NFKBIE: variants seen among roughly 807,000 people sequenced by gnomAD.
The protein encoded by NFKBIE is NF-kappa-B inhibitor epsilon.
A neutral mutation model predicts 31.6 loss-of-function variants in NFKBIE; 11 were observed. That is an observed-to-expected ratio of 0.35 (90% CI 0.22 to 0.58). NFKBIE has a LOEUF of 0.58. Among genes scored for constraint, NFKBIE ranks in the 20% least tolerant of loss-of-function variants. The pLI is 0.83. For synonymous variants in NFKBIE, 208 were observed against 210.1 expected (o/e 0.99, Z 0.09); for missense variants, 354 against 465.7 (o/e 0.76, Z 2.21).
At position 44,258,343 on chromosome 6, in the gene NFKBIE, G is replaced by A. The variant is rs573583744; in HGVS notation, c.*876C>T. On this transcript the variant is annotated 3_prime_UTR_variant, in exon 6 of 6. Coordinates refer to ENST00000619360, the MANE Select transcript of NFKBIE (RefSeq NM_004556.3). ...TGAGGAACGGGGGGAAAAACGTGGA[G>A]TCAGCTCCCTCGTGCCCAGCCTCCC... The A allele has an allele frequency of 3.3e-5, 5 of 152,408 alleles. No homozygotes were observed. Among genetic ancestry groups the A allele is most frequent in the African/African-American group, 1.2e-4 (5 of 41,450 alleles). The allele number at this position is 152,408 out of a possible 1,614,324, so 9.4% of individuals were successfully genotyped here.
rs1781878598 is a variant in NFKBIE at position 44,260,858 on chromosome 6, C to CACAT, written c.692-320_692-319insATGT. Among the ~76,000 whole-genome samples, 1 of 80,242 alleles carries CACAT rather than the reference C, an allele frequency of 1.2e-5. No homozygotes were observed. Among genetic ancestry groups the CACAT allele is most frequent in the East Asian group, 3.6e-4 (1 of 2,782 alleles). 52.6% of individuals were successfully genotyped at this position (80,242 alleles called of 152,430 possible). Reference sequence around the variant, plus strand: ...ACACACACACACACACACACACATACAGACACACACACACACACACACACA... The same window carrying CACAT: ...ACACACACACACACACACACACATACACATAGACACACACACACACACACACACA... On this transcript the variant is annotated intron_variant, in intron 3 of 5. Coordinates refer to ENST00000619360, the MANE Select transcript of NFKBIE (RefSeq NM_004556.3). The surrounding 1 kb of genome is among the most constrained non-coding windows in gnomAD (Gnocchi z 5.5).
rs41282666 is a variant in NFKBIE, at chr6:44,259,042, T to C, written c.*177A>G. ...AGCTCTTCCTTCCAGACTGGCTCTC[T>C]TCCACTTGCAGTCCCTCCTCCTCGG... is the stretch of plus-strand genomic sequence containing the variant. On this transcript the variant is annotated 3_prime_UTR_variant, in exon 6 of 6. Transcript: ENST00000619360. 2.0e-3 allele frequency: 1,102 copies of C among 563,672 alleles called. 14 individuals carry two copies. Among genetic ancestry groups the C allele is most frequent in the African/African-American group, 0.016 (868 of 53,496 alleles). 34.9% of individuals were successfully genotyped at this position (563,672 alleles called of 1,614,324 possible).
intron 1 of NFKBIE, among the ~76,000 whole-genome samples, chr6:44,264,706 G>A (rs1782051302): frequency 6.6e-6 from 1 of 152,180 alleles, no homozygotes; most frequent in Non-Finnish European, 1.5e-5. Flanking sequence ...CTTGGTCAGG[G>A]GAATTTTCTC....
In NFKBIE at chr6:44,259,189, AG is replaced by A. The variant is rs1439098308; in HGVS notation, c.*29del. 6.2e-7 allele frequency: 1 copy of A among 1,611,974 alleles called. No individual in the cohort carries two copies. The highest frequency in any genetic ancestry group is 2.2e-5 in the East Asian group (1 of 44,794). Reference sequence around the variant, plus strand: ...CTCCGGCTTCCAGATGGAGAGGTGGAGCCCTGAGGATCCCAGACCCTGCCTG... The same window carrying A: ...CTCCGGCTTCCAGATGGAGAGGTGGACCCTGAGGATCCCAGACCCTGCCTG... On this transcript the variant is annotated 3_prime_UTR_variant, in exon 6 of 6. Coordinates refer to ENST00000619360, the MANE Select transcript of NFKBIE (RefSeq NM_004556.3).
In NFKBIE at chr6:44,258,786, T is replaced by C. The variant is rs897251032; in HGVS notation, c.*433A>G. On this transcript the variant is annotated 3_prime_UTR_variant, in exon 6 of 6. Transcript: ENST00000619360. ...TCTGTGTGAAGTCTTTAAACAACGG[T>C]GTTTCAGGGTCCTCAACAGCAATAA... 3 of 157,190 alleles carry C rather than the reference T, an allele frequency of 1.9e-5. No individual in the cohort carries two copies. Among genetic ancestry groups the C allele is most frequent in the African/African-American group, 7.2e-5 (3 of 41,584 alleles). The allele number at this position is 157,190 out of a possible 1,614,324, so 9.7% of individuals were successfully genotyped here.
rs369958691 is a variant in NFKBIE at position 44,260,826 on chromosome 6, AACACACAC to A, written c.692-295_692-288del. 2.4e-3 allele frequency among the ~76,000 whole-genome samples: 285 copies of A among 119,192 alleles called. 2 individuals are homozygous for A. Among genetic ancestry groups the A allele is most frequent in the African/African-American group, 7.4e-3 (249 of 33,566 alleles). The allele number at this position is 119,192 out of a possible 152,430, so 78.2% of individuals were successfully genotyped here. On this transcript the variant is annotated intron_variant, in intron 3 of 5. Coordinates refer to ENST00000619360, the MANE Select transcript of NFKBIE (RefSeq NM_004556.3). The surrounding 1 kb of genome is among the most constrained non-coding windows in gnomAD (Gnocchi z 5.5). ...CACCCTCCTCCTATACACAAACTAC[AACACACAC>A]ACACACACACACACACACACATACA...
In NFKBIE at chr6:44,261,653, G is replaced by T; in HGVS notation, c.664C>A (p.Leu222Met). The change falls in exon 3 of 6, where the codon CTG (leucine) becomes ATG (methionine). Residue 222 changes from leucine to methionine, a missense_variant. By Grantham distance (15) the Leu-to-Met change is conservative (BLOSUM62 2). Transcript: ENST00000619360. The surrounding 1 kb of genome is among the most constrained non-coding windows in gnomAD (Gnocchi z 4.3). ...TGCCAGTTTTGCAGCTGGAGGTCCA[G>T]AGAGTGAGATGTTCCTCTGCCTGGC... is the stretch of plus-strand genomic sequence containing the variant. ...PEPGRGTSHSLDLQLQNWQGL... is the reference protein window; with the variant it reads ...PEPGRGTSHSMDLQLQNWQGL... The T allele has an allele frequency of 6.2e-7, 1 of 1,614,216 alleles. No individual in the cohort carries two copies. The highest frequency in any genetic ancestry group is 8.5e-7 in the Non-Finnish European group (1 of 1,180,026).
intron 5 of NFKBIE, 99 bp from the exon 6 acceptor site, chr6:44,259,383 C>T: frequency 1.2e-6 from 1 of 836,764 alleles, no homozygotes; most frequent in South Asian, 1.3e-5. Flanking sequence ...TCCCTCCCCA[C>T]CAAATGACAG....
chr6:44,259,283 G>A lies in NFKBIE; in HGVS notation c.1022C>T (p.Ser341Phe), dbSNP rs779213165. The stretch of plus-strand genomic sequence containing the variant: ...GTCATCAAAGGGCAAAAGGACAAGG[G>A]ACTGAGAAGGAGAATGGAGAGAAGC... ...DETPQDLTEE[S>F]LVLLPFDDLK... is the part of the protein sequence containing the mutation. The change falls in exon 6 of 6, where the codon TCC becomes TTC. Residue 341 changes from serine to phenylalanine, a missense_variant and splice_region_variant. Around this residue, in one of 2 missense-constraint regions of NFKBIE, gnomAD observed 183 missense variants for 310.6 expected, o/e 0.59. Transcript: ENST00000619360. 6.2e-7 allele frequency: 1 copy of A among 1,611,198 alleles called. No individual in the cohort carries two copies. The highest frequency in any genetic ancestry group is 2.2e-5 in the East Asian group (1 of 44,832).
At chr6:44,259,782 G>A (rs975496194) in intron 5 of NFKBIE, among the ~76,000 whole-genome samples, 1 of 152,124 alleles carries the variant, frequency 6.6e-6, no homozygotes, top group African/African-American at 2.4e-5. Flanking sequence ...TGGCTCTCTG[G>A]GTTCTTATAG....
chr6:44,259,332 G>A, intron 5 of NFKBIE, 48 bp from the exon 6 acceptor site: 3 of 1,500,448 alleles, frequency 2.0e-6, no homozygotes, highest in Non-Finnish European at 2.8e-6. Flanking sequence ...ATGGGAAAAG[G>A]TGACTTGGGA....
chr6:44,259,937 G>C lies in NFKBIE; in HGVS notation c.1020+106C>G, dbSNP rs1583007953. On this transcript the variant is annotated intron_variant, in intron 5 of 5. Transcript: ENST00000619360. ...CACAGTTGGTCAGTGGCAGAGTCCT[G>C]GTTATACCCCAGGACTCCTGGCTCC... 9.4e-6 allele frequency: 14 copies of C among 1,484,172 alleles called. No homozygotes were observed. The East Asian group carries it at 3.0e-4, about 32-fold the overall frequency. 91.9% of individuals were successfully genotyped at this position (1,484,172 alleles called of 1,614,324 possible).
chr6:44,265,424 G>T lies in NFKBIE; in HGVS notation c.-78C>A. 2 of 1,541,160 alleles carry T rather than the reference G, an allele frequency of 1.3e-6. No homozygotes were observed. The highest frequency in any genetic ancestry group is 1.2e-5 in the South Asian group (1 of 83,942). ...CTCCGCCGCGCCGCCTTTCCGGGTT[G>T]CGGGTCCGCTTGGCAGAGCGGGCGC... On this transcript the variant is annotated 5_prime_UTR_variant, in exon 1 of 6. Coordinates refer to ENST00000619360, the MANE Select transcript of NFKBIE (RefSeq NM_004556.3).
chr6:44,264,477 G>GCTCT (rs2153333485), intron 1 of NFKBIE, among the ~76,000 whole-genome samples: 1 of 152,260 alleles, frequency 6.6e-6, no homozygotes, highest in East Asian at 1.9e-4. Context: ...TGGGGCAAGA[G>GCTCT]TGCCCCAGCC....
rs1196703294 is a variant in NFKBIE at position 44,261,557 on chromosome 6, T to G, written c.691+69A>C. 6.6e-7 allele frequency: 1 copy of G among 1,518,156 alleles called. No individual in the cohort carries two copies. Among genetic ancestry groups the G allele is most frequent in the South Asian group, 1.2e-5 (1 of 85,028 alleles). The allele number at this position is 1,518,156 out of a possible 1,614,324, so 94.0% of individuals were successfully genotyped here. Reference sequence around the variant, plus strand: ...GCTGGGACCCTCCCTTCCCCAAGAGTGAGGTCCCTATCTCCTATGCCCTCC... The same window carrying G: ...GCTGGGACCCTCCCTTCCCCAAGAGGGAGGTCCCTATCTCCTATGCCCTCC... On this transcript the variant is annotated intron_variant, in intron 3 of 5. Coordinates refer to ENST00000619360, the MANE Select transcript of NFKBIE (RefSeq NM_004556.3). The surrounding 1 kb of genome is among the most constrained non-coding windows in gnomAD (Gnocchi z 4.3).
intron 2 of NFKBIE, 137 bp downstream of exon 2, chr6:44,262,423 G>T (rs1781955692): frequency 1.4e-6 from 1 of 697,168 alleles, no homozygotes; most frequent in Non-Finnish European, 2.5e-6. Context: ...GTCTTACTTG[G>T]GTCTGTCTCC....
At position 44,265,002 on chromosome 6, in the gene NFKBIE, G is replaced by A. The variant is rs375669043; in HGVS notation, c.345C>T (p.Tyr115=). 1.9e-5 allele frequency: 30 copies of A among 1,579,838 alleles called. No homozygotes were observed. Among genetic ancestry groups the A allele is most frequent in the African/African-American group, 2.7e-5 (2 of 74,868 alleles). ...CTCACGTGTCTCCGTCCTCGGAGAT[G>A]TAAGTGAGTGCTTCCAGCTGCTGAG... ...LSPQQLEALT[Y]ISEDGDTLVH... is the part of the protein sequence containing the mutation. Residue 115 remains tyrosine, a synonymous_variant, in exon 1 of 6, where the codon TAC becomes TAT. Coordinates refer to ENST00000619360, the MANE Select transcript of NFKBIE (RefSeq NM_004556.3).
chr6:44,262,002 C>T (rs1781940392), intron 2 of NFKBIE, among the ~76,000 whole-genome samples, 154 bp from the exon 3 acceptor site: 1 of 152,184 alleles, frequency 6.6e-6, no homozygotes, highest in Non-Finnish European at 1.5e-5. Flanking sequence ...CTACCGAGCC[C>T]TTCCCCTGTC....
In NFKBIE at chr6:44,265,069, G is replaced by A. The variant is rs374226092; in HGVS notation, c.278C>T (p.Pro93Leu). The change falls in exon 1 of 6, where the codon CCG (proline) becomes CTG (leucine). Residue 93 changes from proline to leucine, a missense_variant. Pro to Leu is a moderately conservative substitution (Grantham distance 98). Around this residue, in one of 2 missense-constraint regions of NFKBIE, gnomAD observed 171 missense variants for 155.1 expected, o/e 1.10. Transcript: ENST00000619360. ...GTGGGGGAGTGGCAGGCGTGGGGCCGGGTCCTCAGCCTCGGGGCCCCCCAG... is the reference window on the plus strand; with the variant it reads ...GTGGGGGAGTGGCAGGCGTGGGGCCAGGTCCTCAGCCTCGGGGCCCCCCAG... ...SLLGGPEAED[P>L]APRLPLPHVG... is the part of the protein sequence containing the mutation. The A allele has an allele frequency of 2.6e-6, 4 of 1,567,646 alleles. No individual in the cohort carries two copies.
Sources: allele counts gnomAD v4.1 joint callset (sites outside exome capture counted in the v4.1 genomes callset), GRCh38; gene constraint gnomAD v4.1.1; regional missense constraint gnomAD v4.1.1; non-coding constraint Gnocchi (gnomAD v3.1); transcripts MANE v1.5; gene names NCBI Gene and HGNC (gene_info 2026-07-23, HGNC 2026-07-21).